The following GPC5 variants were observed in gnomAD, a reference collection of about 807,000 sequenced individuals.
GPC5 encodes the protein glypican-5.
Under a neutral mutation model 53.9 loss-of-function variants are expected in GPC5, and 47 were observed. The observed-to-expected ratio is 0.87, with a 90% confidence interval of 0.69 to 1.11. The LOEUF (loss-of-function observed/expected upper bound fraction) is 1.11, where lower values mean the gene tolerates loss of function less well. GPC5 is among the 50% of genes most tolerant of loss of function. The probability of loss-of-function intolerance (pLI) is 0.00; values close to 1 mark genes in which losing one functional copy is unlikely to be tolerated. For missense variants in GPC5, 748 were observed against 713.1 expected (o/e 1.05, Z -0.56); for synonymous variants, 286 against 263.3 (o/e 1.09, Z -0.84).
intron 7 of GPC5, among the ~76,000 whole-genome samples, chr13:92,507,844 T>A (rs1880428044): frequency 6.6e-6 from 1 of 152,302 alleles, no homozygotes; most frequent in East Asian, 1.9e-4. Context: ...CCTTATTTTT[T>A]TTTGCTTGAA....
At chr13:92,428,418 A>C (rs1876937321) in intron 7 of GPC5, among the ~76,000 whole-genome samples, 1 of 152,020 alleles carries the variant, frequency 6.6e-6, no homozygotes, top group African/African-American at 2.4e-5. Context: ...CCACCCATAA[A>C]TCCTCATCAT....
At chr13:92,457,492 A>G (rs918670515) in intron 7 of GPC5, among the ~76,000 whole-genome samples, 9 of 152,098 alleles carry the variant, frequency 5.9e-5, no homozygotes, top group African/African-American at 1.7e-4. Context: ...ATTGTCCCCT[A>G]TTGAAAATCA....
At chr13:91,856,847 G>A (rs566491930) in intron 5 of GPC5, among the ~76,000 whole-genome samples, 35 of 150,900 alleles carry the variant, frequency 2.3e-4, no homozygotes, top group African/African-American at 8.2e-4. Context: ...TTGAAGATGG[G>A]GCAGATTTTC....
At chr13:91,817,837 C>T (rs1207931076) in intron 5 of GPC5, among the ~76,000 whole-genome samples, 3 of 152,204 alleles carry the variant, frequency 2.0e-5, no homozygotes, top group East Asian at 1.9e-4. Context: ...AAGAACTTTT[C>T]GTACATATTT....
intron 2 of GPC5, among the ~76,000 whole-genome samples, chr13:91,535,887 G>C (rs1380439387): frequency 1.3e-5 from 2 of 152,096 alleles, no homozygotes; most frequent in Non-Finnish European, 2.9e-5. Flanking sequence ...GGACTAATAT[G>C]TATACTAGTG....
At chr13:92,144,487 T>C (rs2138983320) in intron 6 of GPC5, among the ~76,000 whole-genome samples, 1 of 152,280 alleles carries the variant, frequency 6.6e-6, no homozygotes, top group East Asian at 1.9e-4. Flanking sequence ...GAGGGAGTAC[T>C]AGAATTTGAT....
At position 91,871,990 on chromosome 13, in the gene GPC5, T is replaced by A. The variant is rs529542669; in HGVS notation, c.1281-35947T>A. 2.6e-5 allele frequency among the ~76,000 whole-genome samples: 4 copies of A among 152,040 alleles called. No individual in the cohort carries two copies. In the East Asian group the frequency reaches 7.8e-4, roughly 29 times the overall value. Reference sequence around the variant, plus strand: ...GTGGAAAGATGAAAAGAAATGACAGTTGGTGATGGTGAACCTCTGTCTGTG... The same window carrying A: ...GTGGAAAGATGAAAAGAAATGACAGATGGTGATGGTGAACCTCTGTCTGTG... On this transcript the variant is annotated intron_variant, in intron 5 of 7. Coordinates refer to ENST00000377067, the MANE Select transcript of GPC5 (RefSeq NM_004466.6).
At position 91,579,624 on chromosome 13, in the gene GPC5, C is replaced by CT. The variant is rs3055895; in HGVS notation, c.326-113541dup. Among the ~76,000 whole-genome samples, 242 of 102,568 alleles carry CT rather than the reference C, an allele frequency of 2.4e-3. 2 individuals are homozygous for CT. Among genetic ancestry groups the CT allele is most frequent in the African/African-American group, 4.4e-3 (133 of 30,266 alleles). The allele number at this position is 102,568 out of a possible 152,430, so 67.3% of individuals were successfully genotyped here. ...TATTTCTTTCTTTCTTTTTCTTTTT[C>CT]TTTTTTTTTTTTTTTTTTTTTTGTG... On this transcript the variant is annotated intron_variant, in intron 2 of 7. Coordinates refer to ENST00000377067, the MANE Select transcript of GPC5 (RefSeq NM_004466.6).
At chr13:92,549,935 T>TACTTTG (rs139215141) in intron 7 of GPC5, among the ~76,000 whole-genome samples, 36,977 of 150,386 alleles carry the variant, frequency 0.25, 5,517 homozygotes, top group African/African-American at 0.42. Flanking sequence ...CTTTTTTGTA[T>TACTTTG]ACTTTGGAGG....
chr13:92,068,717 T>G (rs2041186340), intron 6 of GPC5, among the ~76,000 whole-genome samples: 1 of 151,674 alleles, frequency 6.6e-6, no homozygotes, highest in Non-Finnish European at 1.5e-5. Flanking sequence ...ATATTGTTAA[T>G]ATAGTTAATT....
chr13:92,206,324 C>A (rs1190067444), intron 7 of GPC5, among the ~76,000 whole-genome samples: 1 of 150,972 alleles, frequency 6.6e-6, no homozygotes, highest in Admixed American at 6.6e-5. Context: ...GCCACCACGC[C>A]CGGCTAATTT....
At chr13:92,264,402 T>C (rs1325567362) in intron 7 of GPC5, among the ~76,000 whole-genome samples, 4 of 152,140 alleles carry the variant, frequency 2.6e-5, no homozygotes, top group Admixed American at 2.0e-4. Context: ...TAGCACCATA[T>C]TTTGCTTTAA....
chr13:91,645,874 C>G (rs1327064957), intron 2 of GPC5, among the ~76,000 whole-genome samples: 1 of 152,138 alleles, frequency 6.6e-6, no homozygotes, highest in Admixed American at 6.5e-5. Context: ...CTGACAAGTC[C>G]TCTGGTAACA....
intron 7 of GPC5, among the ~76,000 whole-genome samples, chr13:92,236,878 A>T (rs1346279388): frequency 2.0e-5 from 3 of 151,704 alleles, no homozygotes; most frequent in Non-Finnish European, 4.4e-5. Flanking sequence ...CTCTGCAATC[A>T]TTGTCTTTGC....
chr13:91,861,333 C>A (rs998627179), intron 5 of GPC5, among the ~76,000 whole-genome samples: 19 of 152,104 alleles, frequency 1.2e-4, no homozygotes, highest in African/African-American at 4.1e-4. Context: ...TTATTACTGT[C>A]ATTTATCTAT....
chr13:92,010,498 C>A (rs2040650986), intron 6 of GPC5, among the ~76,000 whole-genome samples: 1 of 152,210 alleles, frequency 6.6e-6, no homozygotes, highest in Non-Finnish European at 1.5e-5. Context: ...ATGGACTGAA[C>A]TGTGTTCCCC....
At chr13:92,698,142 A>G (rs1361928559) in intron 7 of GPC5, among the ~76,000 whole-genome samples, 1 of 151,856 alleles carries the variant, frequency 6.6e-6, no homozygotes, top group East Asian at 1.9e-4. Flanking sequence ...TTCATCAGGG[A>G]TATTGGCCTG....
intron 7 of GPC5, among the ~76,000 whole-genome samples, chr13:92,477,708 G>C (rs1028752361): frequency 1.3e-5 from 2 of 152,096 alleles, no homozygotes; most frequent in African/African-American, 4.8e-5. Flanking sequence ...TACACTCAAT[G>C]AAGTCCCAGA....
At chr13:92,118,815 G>T (rs1368778076) in intron 6 of GPC5, among the ~76,000 whole-genome samples, 2 of 152,146 alleles carry the variant, frequency 1.3e-5, no homozygotes, top group Non-Finnish European at 2.9e-5. Flanking sequence ...AGCATGCTTT[G>T]TCTTGGCTGG....
Sources: gnomAD v4.1 joint callset for allele counts (sites outside exome capture counted in the v4.1 genomes callset) on GRCh38, gnomAD v4.1.1 for gene constraint, MANE v1.5 for transcripts, NCBI Gene and HGNC (gene_info 2026-07-23, HGNC 2026-07-21) for gene names.